CCAR1: variants seen among roughly 807,000 people sequenced by gnomAD.
CCAR1 encodes cell division cycle and apoptosis regulator protein 1.
In CCAR1, 78 loss-of-function variants were observed where a neutral mutation model predicts 163.8. That is an observed-to-expected ratio of 0.48 (90% CI 0.40 to 0.57). CCAR1 has a LOEUF of 0.57. CCAR1 is among the 20% of genes least tolerant of loss of function. The pLI, the probability that CCAR1 is intolerant of heterozygous loss-of-function variation, is 0.00. For missense variants in CCAR1, 1,019 were observed against 1,365.2 expected (o/e 0.75, Z 4.00); for synonymous variants, 443 against 460.7 (o/e 0.96, Z 0.49).
intron 12 of CCAR1, 198 bp from the exon 13 acceptor site, chr10:68,755,172 G>A (rs751015983): frequency 1.3e-6 from 1 of 744,406 alleles, no homozygotes; most frequent in South Asian, 1.4e-5. Flanking sequence ...TTAAAAGGAT[G>A]AGTTATGATG....
intron 16 of CCAR1, among the ~76,000 whole-genome samples, chr10:68,761,594 C>G (rs1348367814): frequency 6.7e-6 from 1 of 150,162 alleles, no homozygotes; most frequent in Non-Finnish European, 1.5e-5. Context: ...CGTGAGCCAC[C>G]GTGCCCAGCT....
intron 4 of CCAR1, among the ~76,000 whole-genome samples, chr10:68,738,748 C>T (rs2056145602): frequency 6.6e-6 from 1 of 152,004 alleles, no homozygotes. Context: ...TAGAACTGTT[C>T]AAAATGGGAG....
At chr10:68,760,585 A>C (rs142560626) in intron 15 of CCAR1, among the ~76,000 whole-genome samples, 10 of 152,332 alleles carry the variant, frequency 6.6e-5, no homozygotes, top group African/African-American at 2.4e-4. Flanking sequence ...AGTCACACGA[A>C]AGGCTGGGCG....
At chr10:68,761,259 C>A in intron 16 of CCAR1, 67 bp downstream of exon 16, 2 of 782,974 alleles carry the variant, frequency 2.6e-6, no homozygotes, top group South Asian at 4.4e-5. Context: ...TCTTGGAATA[C>A]GTGAGTTAAG....
At chr10:68,723,885 G>A (rs369862295) in intron 2 of CCAR1, among the ~76,000 whole-genome samples, 1 of 151,020 alleles carries the variant, frequency 6.6e-6, no homozygotes, top group Admixed American at 6.6e-5. Flanking sequence ...TAGGCTGGGC[G>A]CGGTGGCTTG....
chr10:68,768,677 A>T (rs891101107), intron 17 of CCAR1, among the ~76,000 whole-genome samples: 1 of 152,054 alleles, frequency 6.6e-6, no homozygotes, highest in African/African-American at 2.4e-5. Context: ...TCCCTGTAAT[A>T]ATCACTTAAT....
intron 16 of CCAR1, among the ~76,000 whole-genome samples, 164 bp from the exon 17 acceptor site, chr10:68,765,724 T>A (rs2056527773): frequency 6.6e-6 from 1 of 152,188 alleles, no homozygotes; most frequent in Admixed American, 6.6e-5. Flanking sequence ...GAATTTGAGC[T>A]TTCCTCCCTT....
chr10:68,753,424 A>G (rs1295442941), intron 10 of CCAR1, among the ~76,000 whole-genome samples: 1 of 152,210 alleles, frequency 6.6e-6, no homozygotes, highest in East Asian at 1.9e-4. Context: ...AATAAAAGTT[A>G]TAATTTTTCT....
intron 19 of CCAR1, chr10:68,774,910 T>C: frequency 5.2e-6 from 2 of 381,654 alleles, no homozygotes; most frequent in Non-Finnish European, 9.9e-6. Context: ...ATTTTTCTGA[T>C]ATAGAAAATT....
chr10:68,734,044 G>T (rs1234079433), intron 2 of CCAR1, among the ~76,000 whole-genome samples: 1 of 151,770 alleles, frequency 6.6e-6, no homozygotes, highest in Non-Finnish European at 1.5e-5. Context: ...ATGATTTCTG[G>T]GATTTTGTTT....
At chr10:68,752,193 C>T (rs1223400299) in intron 10 of CCAR1, among the ~76,000 whole-genome samples, 7 of 152,084 alleles carry the variant, frequency 4.6e-5, no homozygotes, top group African/African-American at 1.7e-4. Flanking sequence ...GCTGGGACTA[C>T]AGGCGTGAGC....
At chr10:68,735,180 T>C (rs1197377733) in intron 2 of CCAR1, among the ~76,000 whole-genome samples, 4 of 152,098 alleles carry the variant, frequency 2.6e-5, no homozygotes, top group Non-Finnish European at 5.9e-5. Context: ...TGATCCCTTT[T>C]CTACCAAAAA....
At chr10:68,751,396 A>G (rs2056328515) in intron 10 of CCAR1, among the ~76,000 whole-genome samples, 1 of 152,160 alleles carries the variant, frequency 6.6e-6, no homozygotes, top group Admixed American at 6.5e-5. Context: ...AAAAATCTGT[A>G]GTCTGCATAT....
chr10:68,783,057 C>T (rs2133426784), intron 19 of CCAR1, among the ~76,000 whole-genome samples: 1 of 146,532 alleles, frequency 6.8e-6, no homozygotes, highest in Middle Eastern at 3.8e-3. Flanking sequence ...GGCTGGAATG[C>T]AGTGGCGTGA....
At chr10:68,752,315 G>A (rs908001222) in intron 10 of CCAR1, among the ~76,000 whole-genome samples, 1 of 152,126 alleles carries the variant, frequency 6.6e-6, no homozygotes, top group Admixed American at 6.6e-5. Context: ...CTTCTCATTT[G>A]TAGTTGTGTA....
intron 19 of CCAR1, among the ~76,000 whole-genome samples, chr10:68,785,912 A>G (rs1158825801): frequency 6.6e-6 from 1 of 152,216 alleles, no homozygotes; most frequent in East Asian, 1.9e-4. Flanking sequence ...AGGTTCATGT[A>G]TGTTTTAGCA....
chr10:68,736,309 A>G (rs1795499474), intron 2 of CCAR1, among the ~76,000 whole-genome samples: 2 of 139,036 alleles, frequency 1.4e-5, no homozygotes, highest in Admixed American at 7.7e-5. Flanking sequence ...AAATCAAGCT[A>G]TTTAACGTGC....
chr10:68,732,022 A>T (rs1328367485), intron 2 of CCAR1, among the ~76,000 whole-genome samples: 1 of 152,192 alleles, frequency 6.6e-6, no homozygotes, highest in Admixed American at 6.6e-5. Context: ...ACCCAGAAAA[A>T]TTATAAGAAA....
chr10:68,730,846 A>G (rs2133308990), intron 2 of CCAR1, among the ~76,000 whole-genome samples: 1 of 152,000 alleles, frequency 6.6e-6, no homozygotes, highest in East Asian at 1.9e-4. Context: ...GTGCGTCACC[A>G]TGTACTACCA....
Sources: allele counts gnomAD v4.1 joint callset (sites outside exome capture counted in the v4.1 genomes callset), GRCh38; gene constraint gnomAD v4.1.1; transcripts MANE v1.5; gene names NCBI Gene and HGNC (gene_info 2026-07-23, HGNC 2026-07-21).